Variants in PRELID2 observed in about 807,000 individuals in gnomAD.
PRELID2 encodes the protein PRELI domain containing 2.
PRELID2 carries 25 observed loss-of-function variants against 28.4 expected under a neutral mutation model. The ratio of observed to expected loss-of-function variants is 0.88; its 90% CI spans 0.64 to 1.23. PRELID2 has a LOEUF of 1.23. Ranked by LOEUF, PRELID2 falls within the 50% of genes most tolerant of loss-of-function variation. PRELID2 has a pLI of 0.00. For synonymous variants in PRELID2, 76 were observed against 71.6 expected (o/e 1.06, Z -0.31); for missense variants, 201 against 214.4 (o/e 0.94, Z 0.39).
At chr5:145,395,265 G>A in the PRELID2 span, among the ~76,000 whole-genome samples, 22 of 151,868 alleles carry the variant, frequency 1.4e-4, no homozygotes, top group African/African-American at 4.6e-4. Context: ...AACTGACTTC[G>A]GAACTCCAAA....
intron 1 of PRELID2, among the ~76,000 whole-genome samples, chr5:145,539,357 A>T (rs1287213400): frequency 1.3e-5 from 2 of 152,044 alleles, no homozygotes; most frequent in African/African-American, 2.4e-5. Flanking sequence ...CCAGGGATTT[A>T]AAAACAAAAT....
chr5:145,782,771 AG>A (rs1287728762), intron 5 of PRELID2, among the ~76,000 whole-genome samples: 2 of 152,222 alleles, frequency 1.3e-5, no homozygotes, highest in African/African-American at 4.8e-5. Flanking sequence ...TTAAATCCCT[AG>A]TTAGCTTAAA....
intron 1 of PRELID2, among the ~76,000 whole-genome samples, chr5:145,605,200 G>A (rs1430710037): frequency 6.6e-6 from 1 of 151,778 alleles, no homozygotes; most frequent in Non-Finnish European, 1.5e-5. Context: ...GTCAATTTTT[G>A]TATTTGTTGC....
chr5:145,386,822 G>C, the PRELID2 span, among the ~76,000 whole-genome samples: 1 of 152,094 alleles, frequency 6.6e-6, no homozygotes, highest in Non-Finnish European at 1.5e-5. Flanking sequence ...CATTTTTATA[G>C]AGGAGCTTCA....
chr5:145,684,201 C>T (rs1482589356), intron 1 of PRELID2, among the ~76,000 whole-genome samples: 3 of 152,174 alleles, frequency 2.0e-5, no homozygotes, highest in Non-Finnish European at 4.4e-5. Context: ...AGAAAAATGA[C>T]ATGAAAAGAG....
intron 1 of PRELID2, among the ~76,000 whole-genome samples, chr5:145,672,151 T>C (rs1754719915): frequency 6.6e-6 from 1 of 152,144 alleles, no homozygotes; most frequent in South Asian, 2.1e-4. Context: ...CATCCCCTCT[T>C]GCCCTTGTTC....
chr5:145,629,806 C>T (rs61585654), intron 1 of PRELID2, among the ~76,000 whole-genome samples: 5,511 of 151,884 alleles, frequency 0.036, 362 homozygotes, highest in African/African-American at 0.12. Context: ...ATGCCTCCTT[C>T]GTAATGCTTT....
chr5:145,354,081 A>T, the PRELID2 span, among the ~76,000 whole-genome samples: 1 of 152,198 alleles, frequency 6.6e-6, no homozygotes, highest in Admixed American at 6.5e-5. Flanking sequence ...TCATTTAGAT[A>T]GTACTTTGTG....
the PRELID2 span, among the ~76,000 whole-genome samples, chr5:145,422,806 G>C: frequency 3.9e-4 from 59 of 151,196 alleles, no homozygotes; most frequent in Non-Finnish European, 3.7e-4. Context: ...TTTGCTCATT[G>C]GTTGATGCAG....
At chr5:145,359,900 T>G in the PRELID2 span, among the ~76,000 whole-genome samples, 1 of 152,298 alleles carries the variant, frequency 6.6e-6, no homozygotes, top group East Asian at 1.9e-4. Flanking sequence ...GGAATAAATT[T>G]TAAGCATGTT....
intron 1 of PRELID2, among the ~76,000 whole-genome samples, chr5:145,559,302 A>G (rs145854798): frequency 3.9e-5 from 6 of 152,198 alleles, no homozygotes; most frequent in Non-Finnish European, 7.4e-5. Context: ...ATAAATGTCC[A>G]TCAAAAGAGA....
the PRELID2 span, among the ~76,000 whole-genome samples, chr5:145,295,255 A>G: frequency 4.6e-5 from 7 of 152,166 alleles, no homozygotes; most frequent in Admixed American, 2.6e-4. Flanking sequence ...CTGATGAAAA[A>G]TTTATTTTGG....
At chr5:145,248,208 T>TC in the PRELID2 span, among the ~76,000 whole-genome samples, 26 of 151,122 alleles carry the variant, frequency 1.7e-4, no homozygotes, top group Middle Eastern at 6.8e-3. Flanking sequence ...ATTCCTTCGT[T>TC]CCCCCCCCTT....
intron 4 of PRELID2, among the ~76,000 whole-genome samples, chr5:145,806,946 C>T (rs920163602): frequency 6.6e-6 from 1 of 152,118 alleles, no homozygotes; most frequent in African/African-American, 2.4e-5. Context: ...TATAAATTAC[C>T]CTGTCTCAGT....
intron 5 of PRELID2, among the ~76,000 whole-genome samples, chr5:145,771,202 T>C (rs887016561): frequency 6.6e-6 from 1 of 152,144 alleles, no homozygotes; most frequent in Non-Finnish European, 1.5e-5. Flanking sequence ...ATAGTTATCA[T>C]TGTGTTACAA....
chr5:145,558,827 C>T (rs1169238023), intron 1 of PRELID2, among the ~76,000 whole-genome samples: 2 of 152,100 alleles, frequency 1.3e-5, no homozygotes, highest in Non-Finnish European at 2.9e-5. Context: ...ATAGACTTGG[C>T]ACATTTTTGG....
At chr5:145,548,157 A>G (rs560441486) in intron 1 of PRELID2, among the ~76,000 whole-genome samples, 1 of 152,348 alleles carries the variant, frequency 6.6e-6, no homozygotes, top group Admixed American at 6.5e-5. Flanking sequence ...AAATCACCCA[A>G]GTTATAAAAT....
downstream of PRELID2, among the ~76,000 whole-genome samples, chr5:145,467,818 G>C (rs1752015813): frequency 6.7e-6 from 1 of 150,198 alleles, no homozygotes; most frequent in African/African-American, 2.5e-5. Context: ...TATTTCAACT[G>C]TCATGCCATA....
chr5:145,470,247 A>G (rs1338500320), downstream of PRELID2, among the ~76,000 whole-genome samples: 1 of 152,136 alleles, frequency 6.6e-6, no homozygotes, highest in Non-Finnish European at 1.5e-5. Context: ...TAGACAATAT[A>G]TAAACAAGAG....
Sources: allele counts gnomAD v4.1 joint callset (sites outside exome capture counted in the v4.1 genomes callset), GRCh38; gene constraint gnomAD v4.1.1; transcripts MANE v1.5; gene names NCBI Gene and HGNC (gene_info 2026-07-23, HGNC 2026-07-21).